The following YEATS2 variants were observed in gnomAD, a reference collection of about 807,000 sequenced individuals.
The protein encoded by YEATS2 is YEATS domain containing 2, also known as YEATS domain-containing protein 2.
In YEATS2, 77 loss-of-function variants were observed where a neutral mutation model predicts 163.2. The observed-to-expected ratio is 0.47, with a 90% CI of 0.39 to 0.57. The LOEUF is 0.57. Ranked by LOEUF, YEATS2 falls within the 20% of genes least tolerant of loss-of-function variation. The pLI, the probability that YEATS2 is intolerant of heterozygous loss-of-function variation, is 0.00. For missense variants in YEATS2, 1,549 were observed against 1,729.8 expected, an observed-to-expected ratio of 0.90 and a Z score of 1.85; for synonymous variants, 631 against 645.1, an observed-to-expected ratio of 0.98 and a Z score of 0.33.
intron 21 of YEATS2, among the ~76,000 whole-genome samples, chr3:183,796,005 G>C (rs1364493503): frequency 6.9e-6 from 1 of 145,388 alleles, no homozygotes; most frequent in South Asian, 2.2e-4. Flanking sequence ...TTTTTGAGAC[G>C]GAGTTCCGCT....
chr3:183,772,626 G>T, intron 16 of YEATS2, 63 bp downstream of exon 16: 2 of 1,592,376 alleles, frequency 1.3e-6, no homozygotes, highest in Non-Finnish European at 1.7e-6. Context: ...TCCTTTGCTA[G>T]TGATTTTATT....
intron 8 of YEATS2, among the ~76,000 whole-genome samples, chr3:183,744,612 A>G (rs1310091900): frequency 6.6e-6 from 1 of 152,120 alleles, no homozygotes; most frequent in African/African-American, 2.4e-5. Context: ...GTTTCCTACC[A>G]GTTTTCTGGA....
At chr3:183,720,706 A>C (rs1466835753) in intron 4 of YEATS2, among the ~76,000 whole-genome samples, 1 of 152,210 alleles carries the variant, frequency 6.6e-6, no homozygotes, top group African/African-American at 2.4e-5. Context: ...ATAACAAATT[A>C]CCTACCATAA....
chr3:183,767,975 ATTTGC>A (rs1301207291), intron 15 of YEATS2, among the ~76,000 whole-genome samples: 3 of 152,136 alleles, frequency 2.0e-5, no homozygotes, highest in African/African-American at 7.2e-5. Context: ...TCCCTAAGTT[ATTTGC>A]TTTCTTTGTT....
chr3:183,702,519 A>G (rs1351039353), intron 1 of YEATS2, among the ~76,000 whole-genome samples: 3 of 152,058 alleles, frequency 2.0e-5, no homozygotes, highest in African/African-American at 7.2e-5. Context: ...CCAGAAAAAG[A>G]AAGTTGAACC....
At chr3:183,703,966 C>T (rs7622008) in intron 1 of YEATS2, among the ~76,000 whole-genome samples, 81,228 of 151,486 alleles carry the variant, frequency 0.54, 24,064 homozygotes, top group African/African-American at 0.81. Flanking sequence ...TTCAACCCTC[C>T]CTCTACTAAA....
At chr3:183,788,274 T>C (rs1277693287) in intron 20 of YEATS2, among the ~76,000 whole-genome samples, 2 of 152,118 alleles carry the variant, frequency 1.3e-5, no homozygotes, top group Admixed American at 6.5e-5. Context: ...TTTGTACCCA[T>C]TAACCATCCC....
At chr3:183,796,215 C>T (rs917708068) in intron 21 of YEATS2, among the ~76,000 whole-genome samples, 15 of 138,702 alleles carry the variant, frequency 1.1e-4, no homozygotes, top group African/African-American at 4.1e-4. Context: ...CCAGGCTGGT[C>T]TCGAACTCCT....
intron 15 of YEATS2, among the ~76,000 whole-genome samples, chr3:183,769,035 G>A (rs1000305863): frequency 6.6e-5 from 10 of 152,306 alleles, no homozygotes; most frequent in East Asian, 1.9e-4. Context: ...ACCAAACCAG[G>A]AGAGCCGGGG....
At chr3:183,788,598 C>T (rs1724294253) in intron 20 of YEATS2, among the ~76,000 whole-genome samples, 4 of 152,138 alleles carry the variant, frequency 2.6e-5, no homozygotes, top group South Asian at 4.1e-4. Flanking sequence ...TGAATAGTGC[C>T]GTAATAAACA....
chr3:183,777,965 A>C (rs960413018), intron 19 of YEATS2, among the ~76,000 whole-genome samples: 2 of 152,030 alleles, frequency 1.3e-5, no homozygotes, highest in Non-Finnish European at 2.9e-5. Flanking sequence ...TACAAAAATT[A>C]GCCAGGTGCA....
chr3:183,705,346 G>A (rs978097388), intron 1 of YEATS2, among the ~76,000 whole-genome samples: 12 of 152,062 alleles, frequency 7.9e-5, no homozygotes, highest in Non-Finnish European at 1.6e-4. Flanking sequence ...CACCACGCCC[G>A]GCCTATCATC....
At chr3:183,708,900 A>G (rs1253078067) in intron 1 of YEATS2, among the ~76,000 whole-genome samples, 2 of 152,026 alleles carry the variant, frequency 1.3e-5, no homozygotes, top group Admixed American at 6.6e-5. Flanking sequence ...GGTGGCTCAC[A>G]CTTGTAATCC....
intron 19 of YEATS2, among the ~76,000 whole-genome samples, chr3:183,782,259 G>A (rs1011018528): frequency 2.6e-5 from 4 of 151,558 alleles, no homozygotes; most frequent in East Asian, 3.9e-4. Context: ...ACAGGCATTC[G>A]CCACCAAGCC....
At chr3:183,797,538 C>G (rs1725268718) in intron 21 of YEATS2, among the ~76,000 whole-genome samples, 2 of 92,916 alleles carry the variant, frequency 2.2e-5, no homozygotes, top group African/African-American at 8.7e-5. Flanking sequence ...CAGCCTGTCT[C>G]TAACACAATA....
rs1157303847 is a variant in YEATS2 at position 183,724,447 on chromosome 3, A to G, written c.566A>G (p.Lys189Arg). ...ACTTCTAGAATTACTGGCTCCCATA[A>G]AACAGAACAGCGGAATGCTGATCTC... ...RDTSRITGSHKTEQRNADLTD... is the reference protein window; with the variant it reads ...RDTSRITGSHRTEQRNADLTD... The change falls in exon 6 of 31, where the codon AAA (lysine) becomes AGA (arginine). Residue 189 changes from lysine (K) to arginine (R), a missense_variant. By Grantham distance (26) the Lys-to-Arg change is conservative (BLOSUM62 2). Coordinates refer to ENST00000305135, the MANE Select transcript of YEATS2 (RefSeq NM_018023.5). 3 of 1,613,514 alleles carry G rather than the reference A, an allele frequency of 1.9e-6. No homozygotes were observed. Among genetic ancestry groups the G allele is most frequent in the Non-Finnish European group, 2.5e-6 (3 of 1,179,786 alleles).
At chr3:183,777,398 A>G (rs1723103929) in intron 18 of YEATS2, 144 bp from the exon 19 acceptor site, 3 of 839,520 alleles carry the variant, frequency 3.6e-6, no homozygotes, top group South Asian at 1.9e-5. Flanking sequence ...TATTCTTTTG[A>G]ATTATTTTGC....
intron 30 of YEATS2, chr3:183,810,233 C>A (rs1726659139): frequency 4.6e-6 from 2 of 431,692 alleles, no homozygotes; most frequent in Admixed American, 7.7e-5. Flanking sequence ...TGTTTTCTTT[C>A]TCTTTTCTCA....
intron 11 of YEATS2, among the ~76,000 whole-genome samples, chr3:183,755,592 G>A (rs1422410501): frequency 1.3e-5 from 2 of 152,082 alleles, no homozygotes; most frequent in Non-Finnish European, 1.5e-5. Context: ...AGTATTTTGC[G>A]GGAACACGAA....
Sources: allele counts gnomAD v4.1 joint callset (sites outside exome capture counted in the v4.1 genomes callset), GRCh38; gene constraint gnomAD v4.1.1; transcripts MANE v1.5; gene names NCBI Gene and HGNC (gene_info 2026-07-23, HGNC 2026-07-21).